RPH3A: variants seen among roughly 807,000 people sequenced by gnomAD.
The protein encoded by RPH3A is rabphilin 3A.
In RPH3A, 48 loss-of-function variants were observed where a neutral mutation model predicts 102.2. The ratio of observed to expected loss-of-function variants is 0.47; its 90% confidence interval spans 0.37 to 0.60. The LOEUF is 0.60. RPH3A is among the 20% of genes least tolerant of loss of function. RPH3A has a pLI of 0.00. For missense variants in RPH3A, 781 were observed against 910.1 expected, an observed-to-expected ratio of 0.86 and a Z score of 1.83; for synonymous variants, 310 against 324.3, an observed-to-expected ratio of 0.96 and a Z score of 0.47.
At chr12:112,664,252 G>A (rs2136005125) in intron 1 of RPH3A, among the ~76,000 whole-genome samples, 1 of 152,260 alleles carries the variant, frequency 6.6e-6, no homozygotes, top group African/African-American at 2.4e-5. Flanking sequence ...GTCAGACCAG[G>A]AAGGAAGAAG....
At chr12:112,732,957 C>G (rs1592969591) in intron 1 of RPH3A, among the ~76,000 whole-genome samples, 1 of 152,168 alleles carries the variant, frequency 6.6e-6, no homozygotes, top group African/African-American at 2.4e-5. Context: ...AAGATGCAGA[C>G]CACTGTCTGA....
chr12:112,827,229 T>G (rs2041893061), intron 2 of RPH3A, among the ~76,000 whole-genome samples: 1 of 152,200 alleles, frequency 6.6e-6, no homozygotes, highest in Non-Finnish European at 1.5e-5. Context: ...TCCCCCAGCC[T>G]GGGCAACCAC....
chr12:112,712,904 C>T (rs150177253), intron 1 of RPH3A, among the ~76,000 whole-genome samples: 2,030 of 91,800 alleles, frequency 0.022, 41 homozygotes, highest in South Asian at 0.075. Flanking sequence ...CTTCTTCTTC[C>T]TCTTCTTCTT....
At chr12:112,629,631 T>C (rs1384663087) in intron 1 of RPH3A, among the ~76,000 whole-genome samples, 3 of 151,750 alleles carry the variant, frequency 2.0e-5, no homozygotes, top group Non-Finnish European at 4.4e-5. Flanking sequence ...TCCACACTCT[T>C]ACACCTGGAT....
At chr12:112,874,403 A>G (rs2136233857) in intron 10 of RPH3A, among the ~76,000 whole-genome samples, 1 of 152,344 alleles carries the variant, frequency 6.6e-6, no homozygotes, top group African/African-American at 2.4e-5. Flanking sequence ...GGAGATCATA[A>G]GGCCCCACCC....
intron 1 of RPH3A, among the ~76,000 whole-genome samples, chr12:112,705,172 G>T (rs905496904): frequency 6.6e-6 from 1 of 152,154 alleles, no homozygotes; most frequent in Admixed American, 6.5e-5. Context: ...AAAGGAAAAG[G>T]TAGGGATCTG....
At position 112,580,655 on chromosome 12, in the gene RPH3A, C is replaced by G. The variant is rs1005576902; in HGVS notation, c.-140+5336C>G. Reference sequence around the variant, plus strand: ...TCTCCTGACCTCGTGATCCGCCCGCCTCGGCCTCCCAAAGTGCTGGGATTA... The same window carrying G: ...TCTCCTGACCTCGTGATCCGCCCGCGTCGGCCTCCCAAAGTGCTGGGATTA... On this transcript the variant is annotated intron_variant, in intron 1 of 21. Transcript: ENST00000543106. Among the ~76,000 whole-genome samples, 3 of 152,102 alleles carry G rather than the reference C, an allele frequency of 2.0e-5. No individual in the cohort carries two copies. The South Asian group carries it at 6.2e-4, about 32-fold the overall frequency.
At chr12:112,691,265 G>A (rs1011387356) in intron 1 of RPH3A, among the ~76,000 whole-genome samples, 7 of 152,170 alleles carry the variant, frequency 4.6e-5, no homozygotes, top group African/African-American at 1.7e-4. Flanking sequence ...GCCCGCCTCG[G>A]CCTCCCAAAG....
At chr12:112,709,152 C>T (rs923843091) in intron 1 of RPH3A, among the ~76,000 whole-genome samples, 4 of 152,146 alleles carry the variant, frequency 2.6e-5, no homozygotes, top group South Asian at 2.1e-4. Context: ...AACAGACCTG[C>T]TAGAACATCT....
intron 1 of RPH3A, among the ~76,000 whole-genome samples, chr12:112,592,499 AG>A (rs1213087855): frequency 6.6e-6 from 1 of 152,044 alleles, no homozygotes; most frequent in Non-Finnish European, 1.5e-5. Flanking sequence ...TTGTATTTTT[AG>A]TAGAGATGGG....
At chr12:112,717,677 A>C (rs1487885143) in intron 1 of RPH3A, among the ~76,000 whole-genome samples, 1 of 151,656 alleles carries the variant, frequency 6.6e-6, no homozygotes, top group East Asian at 1.9e-4. Flanking sequence ...ACTGTAAATA[A>C]AGCAGTTACA....
rs2043220626 is a variant in RPH3A at position 112,898,384 on chromosome 12, C to T, written c.*1604C>T. 1 of 152,244 alleles carries T rather than the reference C, an allele frequency of 6.6e-6. No homozygotes were observed. Among genetic ancestry groups the T allele is most frequent in the South Asian group, 2.1e-4 (1 of 4,832 alleles). 9.4% of individuals were successfully genotyped at this position (152,244 alleles called of 1,614,324 possible). On this transcript the variant is annotated 3_prime_UTR_variant, in exon 22 of 22. Transcript: ENST00000389385. ...AGTCATCCCAAACCCCTGACATTCTCTACAGAAGCATCAGACAGATACTCA... is the reference window on the plus strand; with the variant it reads ...AGTCATCCCAAACCCCTGACATTCTTTACAGAAGCATCAGACAGATACTCA...
At chr12:112,877,403 TACACACACACACGTATACAC>T (rs1159963517) in intron 13 of RPH3A, among the ~76,000 whole-genome samples, 1 of 140,728 alleles carries the variant, frequency 7.1e-6, no homozygotes, top group African/African-American at 2.7e-5. Flanking sequence ...CACACACGTA[TACACACACACACGTATACAC>T]ACACACACAC....
intron 2 of RPH3A, among the ~76,000 whole-genome samples, chr12:112,810,912 C>T (rs1195707591): frequency 9.2e-5 from 14 of 151,672 alleles, no homozygotes; most frequent in Admixed American, 9.2e-4. Context: ...GTATATAATA[C>T]ATTATACTAT....
At chr12:112,577,133 G>A (rs920935500) in intron 1 of RPH3A, among the ~76,000 whole-genome samples, 10 of 151,996 alleles carry the variant, frequency 6.6e-5, no homozygotes, top group African/African-American at 1.9e-4. Context: ...AATTCGGGGC[G>A]AGTACATAGA....
chr12:112,621,810 C>T (rs1263237564), intron 1 of RPH3A, among the ~76,000 whole-genome samples: 1 of 151,740 alleles, frequency 6.6e-6, no homozygotes, highest in African/African-American at 2.4e-5. Context: ...ATGTCCCTGT[C>T]TGACAGCTTT....
chr12:112,663,226 T>C (rs2040062139), intron 1 of RPH3A, among the ~76,000 whole-genome samples: 1 of 152,060 alleles, frequency 6.6e-6, no homozygotes, highest in Non-Finnish European at 1.5e-5. Context: ...GTTTTAGTGG[T>C]GGGGACAGGA....
Position 112,792,201 on chromosome 12 carries a change from G to C in RPH3A, c.-81G>C, listed in dbSNP as rs2041132357. ...GGACTTAGCGTCTTTCTACCCGGCA[G>C]GGAAGGGAGGAGTTGGCAAGAATTT... On this transcript the variant is annotated 5_prime_UTR_variant, in exon 2 of 22. Transcript: ENST00000389385. 1 of 152,152 alleles carries C rather than the reference G, an allele frequency of 6.6e-6. No individual in the cohort carries two copies. The highest frequency in any genetic ancestry group is 2.1e-4 in the South Asian group (1 of 4,826). The allele number at this position is 152,152 out of a possible 1,614,324, so 9.4% of individuals were successfully genotyped here. A position where few individuals can be genotyped will look rare whatever the true frequency, so the allele number is the denominator to read the frequency against.
chr12:112,727,406 A>AT (rs1183494522), intron 1 of RPH3A, among the ~76,000 whole-genome samples: 1,236 of 122,880 alleles, frequency 0.01, 18 homozygotes, highest in African/African-American at 0.014. Flanking sequence ...AAAAAAAAAA[A>AT]ATATATATAT....
Sources: gnomAD v4.1 joint callset for allele counts (sites outside exome capture counted in the v4.1 genomes callset) on GRCh38, gnomAD v4.1.1 for gene constraint, MANE v1.5 for transcripts, NCBI Gene and HGNC (gene_info 2026-07-23, HGNC 2026-07-21) for gene names.